The following ABLIM3 variants were observed in gnomAD, a reference collection of about 807,000 sequenced individuals.
ABLIM3 encodes the protein actin-binding LIM protein 3.
ABLIM3 carries 61 observed loss-of-function variants against 109.5 expected under a neutral mutation model. That is an observed-to-expected ratio of 0.56 (90% CI 0.45 to 0.69). The LOEUF is 0.69. ABLIM3 is among the 30% of genes least tolerant of loss of function. The pLI is 0.00. For missense variants in ABLIM3, 796 were observed against 889.5 expected (o/e 0.89, Z 1.34); for synonymous variants, 300 against 324.8 (o/e 0.92, Z 0.82).
intron 23 of ABLIM3, among the ~76,000 whole-genome samples, chr5:149,254,658 G>T (rs1328508827): frequency 6.6e-6 from 1 of 152,154 alleles, no homozygotes; most frequent in East Asian, 1.9e-4. Context: ...AGCACCCCAG[G>T]AAGTGGGTGA....
At chr5:149,192,624 CAAAAAAAAAAAAGAAA>C (rs1026939206) in intron 3 of ABLIM3, among the ~76,000 whole-genome samples, 1 of 50,194 alleles carries the variant, frequency 2.0e-5, no homozygotes, top group Admixed American at 2.1e-4. Context: ...GACTCCGTCT[CAAAAAAAAAAAAGAAA>C]AAAAAAAAAA....
chr5:149,155,663 C>G (rs1162147844), intron 2 of ABLIM3, among the ~76,000 whole-genome samples: 1 of 152,198 alleles, frequency 6.6e-6, no homozygotes, highest in Non-Finnish European at 1.5e-5. Flanking sequence ...ATTCCACACA[C>G]CCTAATGCAC....
chr5:149,231,825 C>G lies in ABLIM3; in HGVS notation c.816+1118C>G, dbSNP rs1761894541. On this transcript the variant is annotated intron_variant, in intron 9 of 23. Transcript: ENST00000309868. Reference sequence around the variant, plus strand: ...ATATGCTTAATCTTTTTCTTTACATCAAGTCACTACTTTTTATTAACTAAC... The same window carrying G: ...ATATGCTTAATCTTTTTCTTTACATGAAGTCACTACTTTTTATTAACTAAC... Among the ~76,000 whole-genome samples the G allele has an allele frequency of 2.0e-5, 3 of 152,242 alleles. No individual in the cohort carries two copies. In the South Asian group the frequency reaches 6.2e-4, roughly 32 times the overall value.
intron 5 of ABLIM3, among the ~76,000 whole-genome samples, chr5:149,205,483 C>T (rs1441154757): frequency 6.6e-6 from 1 of 152,162 alleles, no homozygotes; most frequent in Non-Finnish European, 1.5e-5. Context: ...ACCTAGAAAG[C>T]TTGACCAGGT....
At chr5:149,164,359 C>T (rs370676121) in intron 2 of ABLIM3, 1 of 152,172 alleles carries the variant, frequency 6.6e-6, no homozygotes, top group Admixed American at 6.5e-5. Context: ...CAAGAATACT[C>T]CAGGGTACAG....
intron 10 of ABLIM3, 64 bp downstream of exon 10, chr5:149,233,364 A>G (rs369741611): frequency 3.9e-4 from 596 of 1,518,580 alleles, no homozygotes; most frequent in Non-Finnish European, 5.3e-4. Flanking sequence ...ATAAAGAGTC[A>G]CTAAGGATAA....
At chr5:149,231,331 C>A (rs981932711) in intron 9 of ABLIM3, among the ~76,000 whole-genome samples, 1 of 152,198 alleles carries the variant, frequency 6.6e-6, no homozygotes, top group Non-Finnish European at 1.5e-5. Flanking sequence ...GTTCCTGATA[C>A]TGCAGAGAGG....
At position 149,250,618 on chromosome 5, in the gene ABLIM3, G is replaced by A. The variant is rs1753830487; in HGVS notation, c.1788+113G>A. On this transcript the variant is annotated intron_variant, in intron 20 of 23. Transcript: ENST00000309868. Reference sequence around the variant, plus strand: ...AGCAAAGGTCCTGGGGCTAGTGGTGGGTTAACTGACACAACTGTATGGCAA... The same window carrying A: ...AGCAAAGGTCCTGGGGCTAGTGGTGAGTTAACTGACACAACTGTATGGCAA... The A allele has an allele frequency of 2.4e-6, 3 of 1,272,482 alleles. No homozygotes were observed. In the African/African-American group the frequency reaches 4.4e-5, roughly 19 times the overall value. The allele number at this position is 1,272,482 out of a possible 1,614,324, so 78.8% of individuals were successfully genotyped here. A position where few individuals can be genotyped will look rare whatever the true frequency, so the allele number is the denominator to read the frequency against.
intron 23 of ABLIM3, among the ~76,000 whole-genome samples, chr5:149,256,484 G>C (rs946510023): frequency 6.6e-6 from 1 of 152,220 alleles, no homozygotes; most frequent in Non-Finnish European, 1.5e-5. Flanking sequence ...ACAAGCAAAT[G>C]TGATGTGTAG....
At chr5:149,185,400 G>A (rs1756865975) in intron 3 of ABLIM3, among the ~76,000 whole-genome samples, 1 of 152,158 alleles carries the variant, frequency 6.6e-6, no homozygotes, top group Non-Finnish European at 1.5e-5. Context: ...GCTTTAATAG[G>A]TAAGACCTTT....
chr5:149,159,095 T>C (rs1418673901), intron 2 of ABLIM3, among the ~76,000 whole-genome samples: 1 of 152,128 alleles, frequency 6.6e-6, no homozygotes, highest in Non-Finnish European at 1.5e-5. Context: ...GTCAGCTTGA[T>C]TCAAAATAAT....
At chr5:149,180,703 A>T (rs1226663152) in intron 2 of ABLIM3, among the ~76,000 whole-genome samples, 1 of 152,198 alleles carries the variant, frequency 6.6e-6, no homozygotes, top group East Asian at 1.9e-4. Flanking sequence ...TGCTTATGGG[A>T]CTATTTACAA....
chr5:149,208,350 G>GTCTCTCTCTC (rs10564662), intron 6 of ABLIM3, among the ~76,000 whole-genome samples: 3 of 132,302 alleles, frequency 2.3e-5, no homozygotes, highest in Middle Eastern at 4.0e-3. Flanking sequence ...CTATCTTTTT[G>GTCTCTCTCTC]TCTCTCTCTC....
chr5:149,159,645 T>G (rs1223664922), intron 2 of ABLIM3, among the ~76,000 whole-genome samples: 2 of 152,198 alleles, frequency 1.3e-5, no homozygotes, highest in Non-Finnish European at 2.9e-5. Flanking sequence ...GCTAACTCTG[T>G]GACCTCTGAG....
intron 6 of ABLIM3, among the ~76,000 whole-genome samples, chr5:149,208,353 T>C (rs934992340): frequency 9.5e-4 from 9 of 9,480 alleles, no homozygotes; most frequent in Non-Finnish European, 2.3e-3. Flanking sequence ...TCTTTTTGTC[T>C]CTCTCTCTCT....
chr5:149,232,169 G>C (rs577666923), intron 9 of ABLIM3, among the ~76,000 whole-genome samples: 1 of 152,164 alleles, frequency 6.6e-6, no homozygotes, highest in East Asian at 1.9e-4. Context: ...AGCTGGATGT[G>C]GTGGCACGTG....
At chr5:149,177,419 A>G (rs1321392641) in intron 2 of ABLIM3, among the ~76,000 whole-genome samples, 1 of 152,240 alleles carries the variant, frequency 6.6e-6, no homozygotes, top group Non-Finnish European at 1.5e-5. Flanking sequence ...TCCCCTGGAA[A>G]CAGCAGATGC....
intron 15 of ABLIM3, 126 bp downstream of exon 15, chr5:149,242,664 T>C: frequency 9.9e-7 from 1 of 1,006,968 alleles, no homozygotes; most frequent in Non-Finnish European, 1.6e-6. Flanking sequence ...GTCCTTCTTG[T>C]TGACTGCCCC....
chr5:149,187,829 T>G (rs1038233496), intron 3 of ABLIM3, among the ~76,000 whole-genome samples: 2 of 152,154 alleles, frequency 1.3e-5, no homozygotes, highest in African/African-American at 2.4e-5. Flanking sequence ...CCCGTCATTC[T>G]CTTTAAATTA....
Sources: allele counts gnomAD v4.1 joint callset (sites outside exome capture counted in the v4.1 genomes callset), GRCh38; gene constraint gnomAD v4.1.1; transcripts MANE v1.5; gene names NCBI Gene and HGNC (gene_info 2026-07-23, HGNC 2026-07-21).